KCNT2: variants seen among roughly 807,000 people sequenced by gnomAD.
The protein encoded by KCNT2 is potassium sodium-activated channel subfamily T member 2.
In KCNT2, 67 loss-of-function variants were observed where a neutral mutation model predicts 153.8. The ratio of observed to expected loss-of-function variants is 0.44; its 90% confidence interval spans 0.36 to 0.53. The LOEUF (loss-of-function observed/expected upper bound fraction) is 0.53, where lower values mean the gene tolerates loss of function less well. Among genes scored for constraint, KCNT2 ranks in the 20% least tolerant of loss-of-function variants. The pLI is 0.00. For synonymous variants in KCNT2, 500 were observed against 458.8 expected (o/e 1.09, Z -1.15); for missense variants, 975 against 1,354.8 (o/e 0.72, Z 4.40).
chr1:196,291,035 C>T (rs1277434877), intron 22 of KCNT2, among the ~76,000 whole-genome samples: 1 of 152,056 alleles, frequency 6.6e-6, no homozygotes, highest in East Asian at 1.9e-4. Flanking sequence ...TTCAGTACTT[C>T]CCAGCAGACT....
At position 196,350,958 on chromosome 1, in the gene KCNT2, G is replaced by A. The variant is rs2148214107; in HGVS notation, c.1404-8730C>T. Among the ~76,000 whole-genome samples the A allele has an allele frequency of 1.3e-5, 2 of 152,238 alleles. 1 individual carries two copies. Among genetic ancestry groups the A allele is most frequent in the South Asian group, 4.1e-4 (2 of 4,820 alleles). ...TTTCCCAGCACCATTTATTAAACAG[G>A]GAATCCTTTCCCCATTGCTTGTTTT... On this transcript the variant is annotated intron_variant, in intron 14 of 27. Transcript: ENST00000294725.
chr1:196,542,638 A>G (rs1045633496), intron 1 of KCNT2, among the ~76,000 whole-genome samples: 3 of 152,090 alleles, frequency 2.0e-5, no homozygotes, highest in Non-Finnish European at 4.4e-5. Context: ...TAACATATAA[A>G]TGGATTGGGG....
At chr1:196,472,533 G>C (rs374602602) in intron 5 of KCNT2, among the ~76,000 whole-genome samples, 1 of 151,976 alleles carries the variant, frequency 6.6e-6, no homozygotes, top group East Asian at 1.9e-4. Context: ...TCAATAGCTC[G>C]AACCAATATT....
At chr1:196,554,813 G>A (rs1474600852) in intron 1 of KCNT2, among the ~76,000 whole-genome samples, 1 of 150,984 alleles carries the variant, frequency 6.6e-6, no homozygotes, top group East Asian at 1.9e-4. Flanking sequence ...TATATCCCAG[G>A]GATGAAAAGT....
intron 8 of KCNT2, among the ~76,000 whole-genome samples, chr1:196,434,462 T>G (rs116103938): frequency 0.014 from 2,111 of 152,122 alleles, 50 homozygotes; most frequent in African/African-American, 0.048. Context: ...CCAGGTCTTT[T>G]GTTTGTCCTT....
chr1:196,333,105 T>TG (rs1664654093), intron 17 of KCNT2, among the ~76,000 whole-genome samples: 2 of 151,552 alleles, frequency 1.3e-5, no homozygotes, highest in Non-Finnish European at 2.9e-5. Context: ...TTTTTTTTTT[T>TG]TTTTGTTTGT....
intron 23 of KCNT2, 33 bp downstream of exon 23, chr1:196,285,624 A>G (rs1177044480): frequency 2.3e-6 from 3 of 1,331,734 alleles, no homozygotes; most frequent in South Asian, 2.5e-5. Flanking sequence ...GAAAACAACC[A>G]TTTTAGAGAA....
chr1:196,575,181 T>G (rs1661210650), intron 1 of KCNT2, among the ~76,000 whole-genome samples: 1 of 152,168 alleles, frequency 6.6e-6, no homozygotes, highest in South Asian at 2.1e-4. Context: ...TCTGCATTGT[T>G]TTAACTCCCT....
chr1:196,279,987 A>T (rs1658941879), intron 25 of KCNT2, among the ~76,000 whole-genome samples: 1 of 152,150 alleles, frequency 6.6e-6, no homozygotes, highest in African/African-American at 2.4e-5. Flanking sequence ...CTCAAAGTTG[A>T]GGTAATTTTG....
At chr1:196,357,595 G>C (rs1483270937) in intron 14 of KCNT2, among the ~76,000 whole-genome samples, 1 of 151,866 alleles carries the variant, frequency 6.6e-6, no homozygotes, top group African/African-American at 2.4e-5. Flanking sequence ...CCAGCAGTCA[G>C]ATACAAATAT....
Position 196,326,717 on chromosome 1 carries a change from G to A in KCNT2, c.2276C>T (p.Pro759Leu), listed in dbSNP as rs760487848. Reference protein sequence around the residue: ...LNPIVLLLDNPPDMHFLDAIC... With the variant: ...LNPIVLLLDNLPDMHFLDAIC... ...TTTGTGTATCTTAAAATATACTTAC[G>A]GGTTATCCAATAGCAGTACTATGGG... The change falls in exon 19 of 28, where the codon CCG (proline) becomes CTG (leucine). Residue 759 changes from proline (P) to leucine (L), a missense_variant and splice_region_variant. Transcript: ENST00000294725. The A allele has an allele frequency of 8.7e-6, 13 of 1,488,946 alleles. No individual in the cohort carries two copies. Among genetic ancestry groups the A allele is most frequent in the African/African-American group, 2.9e-5 (2 of 68,312 alleles). The allele number at this position is 1,488,946 out of a possible 1,614,324, so 92.2% of individuals were successfully genotyped here. A position where few individuals can be genotyped will look rare whatever the true frequency, so the allele number is the denominator to read the frequency against.
intron 19 of KCNT2, among the ~76,000 whole-genome samples, chr1:196,324,448 G>A (rs1237127135): frequency 6.6e-6 from 1 of 151,910 alleles, no homozygotes; most frequent in African/African-American, 2.4e-5. Context: ...TAAAATAAGA[G>A]ACAGTGTTGT....
intron 19 of KCNT2, among the ~76,000 whole-genome samples, chr1:196,322,501 T>A (rs1424779220): frequency 6.6e-6 from 1 of 151,594 alleles, no homozygotes. Context: ...AGAAGGAAAA[T>A]GAGCACATTC....
At chr1:196,536,884 C>T (rs952710650) in intron 1 of KCNT2, among the ~76,000 whole-genome samples, 2 of 152,172 alleles carry the variant, frequency 1.3e-5, no homozygotes, top group Non-Finnish European at 2.9e-5. Flanking sequence ...TGACTGTAGC[C>T]CATCCTGCCA....
intron 8 of KCNT2, among the ~76,000 whole-genome samples, chr1:196,435,171 A>ATG: frequency 7.3e-6 from 1 of 137,192 alleles, no homozygotes; most frequent in Non-Finnish European, 1.6e-5. Flanking sequence ...ATATATATAT[A>ATG]TATATATATA....
intron 1 of KCNT2, among the ~76,000 whole-genome samples, chr1:196,500,437 T>G (rs999256916): frequency 2.1e-4 from 32 of 152,218 alleles, no homozygotes; most frequent in Admixed American, 4.6e-4. Flanking sequence ...TCTTGCTTCT[T>G]GCCTTCTTAG....
chr1:196,581,017 G>C (rs1394545433), intron 1 of KCNT2, among the ~76,000 whole-genome samples: 1 of 152,036 alleles, frequency 6.6e-6, no homozygotes, highest in Admixed American at 6.6e-5. Flanking sequence ...TTAAAGAACA[G>C]GTAATTTCTT....
intron 5 of KCNT2, among the ~76,000 whole-genome samples, chr1:196,476,928 C>T (rs947698917): frequency 1.3e-5 from 2 of 152,056 alleles, no homozygotes; most frequent in Non-Finnish European, 2.9e-5. Context: ...AGGCAAATAG[C>T]AAATGACCTC....
intron 21 of KCNT2, among the ~76,000 whole-genome samples, chr1:196,306,561 G>C (rs1661656486): frequency 6.6e-6 from 1 of 152,092 alleles, no homozygotes; most frequent in South Asian, 2.1e-4. Context: ...CCCTCCTGCT[G>C]GGGAGAGTGT....
Sources: gnomAD v4.1 joint callset for allele counts (sites outside exome capture counted in the v4.1 genomes callset) on GRCh38, gnomAD v4.1.1 for gene constraint, MANE v1.5 for transcripts, NCBI Gene and HGNC (gene_info 2026-07-23, HGNC 2026-07-21) for gene names.